RP1: variants seen among roughly 807,000 people sequenced by gnomAD.
RP1 encodes RP1 axonemal microtubule associated, also known as oxygen-regulated protein 1.
A neutral mutation model predicts 14.8 loss-of-function variants in RP1; 16 were observed. The observed-to-expected ratio is 1.08, with a 90% CI of 0.73 to 1.65. The LOEUF (loss-of-function observed/expected upper bound fraction) is 1.65. Among genes scored for constraint, RP1 ranks in the 40% most tolerant of loss-of-function variants. The pLI is 0.00. For synonymous variants in RP1, 876 were observed against 883.6 expected, an observed-to-expected ratio of 0.99 and a Z score of 0.15; for missense variants, 2,631 against 2,535.0, an observed-to-expected ratio of 1.04 and a Z score of -0.81.
intron 3 of RP1, among the ~76,000 whole-genome samples, chr8:54,642,558 T>C (rs1302162874): frequency 6.6e-6 from 1 of 152,162 alleles, no homozygotes; most frequent in Non-Finnish European, 1.5e-5. Context: ...CACATTTTGC[T>C]TTATTCTTTT....
chr8:54,621,695 CTGTG>C, intron 2 of RP1, 114 bp downstream of exon 2: 1 of 1,474,814 alleles, frequency 6.8e-7, no homozygotes, highest in Non-Finnish European at 9.4e-7. Flanking sequence ...TCCTCCCTGC[CTGTG>C]TATGTGAGTG....
In RP1 at chr8:54,726,217, G is replaced by A; in HGVS notation, c.2390-128G>A. 8.5e-6 allele frequency: 9 copies of A among 1,061,048 alleles called. No individual in the cohort carries two copies. In the South Asian group the frequency reaches 1.4e-4, roughly 17 times the overall value. 65.7% of individuals were successfully genotyped at this position (1,061,048 alleles called of 1,614,324 possible). A position where few individuals can be genotyped will look rare whatever the true frequency, so the allele number is the denominator to read the frequency against. ...TTAACTATGTAATTCTGAGTAAAGA[G>A]ATTTGACTAGGCATTGAAATGGAAA... On this transcript the variant is annotated intron_variant, in intron 16 of 22. Transcript: ENST00000636932.
intron 1 of RP1, among the ~76,000 whole-genome samples, chr8:54,596,533 T>C (rs2129302810): frequency 6.6e-6 from 1 of 152,326 alleles, no homozygotes; most frequent in South Asian, 2.1e-4. Context: ...CCTAGATGTC[T>C]ATGACCTCAA....
Position 54,622,236 on chromosome 8 carries a change from G to T in RP1, c.735G>T (p.Gly245=). 1 of 1,614,094 alleles carries T rather than the reference G, an allele frequency of 6.2e-7. No individual in the cohort carries two copies. The highest frequency in any genetic ancestry group is 1.1e-5 in the South Asian group (1 of 91,078). Residue 245 remains glycine (G), a synonymous_variant, in exon 3 of 4, where the codon GGG becomes GGT. Coordinates refer to ENST00000220676, the MANE Select transcript of RP1 (RefSeq NM_006269.2). ...QKYLLPARLP[G]ISQRVYPKGN... The stretch of plus-strand genomic sequence containing the variant: ...ACTTGCTTCCTGCTAGATTACCAGG[G>T]ATCTCTCAGCGTGTGTACCCCAAGG...
intron 12 of RP1, among the ~76,000 whole-genome samples, chr8:54,692,830 C>T (rs1291390399): frequency 6.6e-6 from 1 of 151,924 alleles, no homozygotes; most frequent in African/African-American, 2.4e-5. Flanking sequence ...AATTAGATCC[C>T]ATTTGCCAAT....
chr8:54,654,912 G>A (rs1424231933), intron 5 of RP1, among the ~76,000 whole-genome samples: 1 of 152,208 alleles, frequency 6.6e-6, no homozygotes, highest in Non-Finnish European at 1.5e-5. Context: ...CCCACAAAGT[G>A]CTGGGATTAC....
At chr8:54,740,187 T>G (rs1809037462) in intron 19 of RP1, among the ~76,000 whole-genome samples, 4 of 150,250 alleles carry the variant, frequency 2.7e-5, no homozygotes, top group Admixed American at 2.7e-4. Flanking sequence ...AAAAGTTAAC[T>G]GTAAAACAGC....
intron 1 of RP1, among the ~76,000 whole-genome samples, chr8:54,568,075 T>C (rs1563314267): frequency 6.6e-6 from 1 of 152,216 alleles, no homozygotes; most frequent in Non-Finnish European, 1.5e-5. Context: ...ATTCCCATGG[T>C]CACCTTATGG....
intron 3 of RP1, among the ~76,000 whole-genome samples, chr8:54,641,348 A>G (rs1806451723): frequency 6.6e-6 from 1 of 152,126 alleles, no homozygotes; most frequent in Non-Finnish European, 1.5e-5. Flanking sequence ...ATGAATTGCA[A>G]TCACTCAGGC....
upstream of RP1, among the ~76,000 whole-genome samples, chr8:54,611,861 T>TTCCCTCCC (rs545025613): frequency 1.9e-4 from 28 of 150,868 alleles, no homozygotes; most frequent in East Asian, 3.1e-3. Flanking sequence ...GTTGTTTTCT[T>TTCCCTCCC]TCCCTCCCTC....
chr8:54,863,393 G>T (rs191876066), intron 27 of RP1, among the ~76,000 whole-genome samples: 80 of 152,254 alleles, frequency 5.3e-4, no homozygotes, highest in African/African-American at 1.9e-3. Flanking sequence ...CACAATGTTT[G>T]CATGATAATG....
In RP1 at chr8:54,625,035, T is replaced by C; in HGVS notation, c.1153T>C (p.Cys385Arg). The C allele has an allele frequency of 6.2e-7, 1 of 1,614,242 alleles. No homozygotes were observed. The highest frequency in any genetic ancestry group is 8.5e-7 in the Non-Finnish European group (1 of 1,180,040). ...ATCATCTGGTTTAAAGCTTGCAGCA[T>C]GTTCATTCTCTGCAGATGTGTCACC... ...SRSSGLKLAA[C>R]SFSADVSPME... The change falls in exon 4 of 4, where the codon TGT (cysteine) becomes CGT (arginine). Residue 385 changes from cysteine (C) to arginine (R), a missense_variant. By Grantham distance (180) the Cys-to-Arg change is radical (BLOSUM62 -3). Transcript: ENST00000220676.
At chr8:54,778,055 G>C (rs766074126) in intron 23 of RP1, among the ~76,000 whole-genome samples, 2 of 151,976 alleles carry the variant, frequency 1.3e-5, no homozygotes, top group Non-Finnish European at 2.9e-5. Context: ...ACATTTTAAC[G>C]GATCCCAAAA....
chr8:54,607,335 C>A lies in RP1; in HGVS notation c.-12-13620C>A, dbSNP rs113966023. On this transcript the variant is annotated intron_variant, in intron 1 of 22. Transcript: ENST00000636932. The stretch of plus-strand genomic sequence containing the variant: ...TCCAGACCCTGTTTGCCTGGGTATC[C>A]GCAGCAGAGGCTACAGAACAGTGGA... 1.7e-4 allele frequency among the ~76,000 whole-genome samples: 26 copies of A among 152,246 alleles called. No homozygotes were observed. In the East Asian group the frequency reaches 3.9e-3, roughly 23 times the overall value.
rs1364913814 is a variant in RP1, at chr8:54,621,337, C to G, written c.371C>G (p.Pro124Arg). The change falls in exon 2 of 4, where the codon CCG (proline) becomes CGG (arginine). Residue 124 changes from proline (P) to arginine (R), a missense_variant. Pro to Arg is a moderately radical substitution (Grantham distance 103, BLOSUM62 -2). Coordinates refer to ENST00000220676, the MANE Select transcript of RP1 (RefSeq NM_006269.2). ...GACCTGGACAAAGCCCGTCGGCGCC[C>G]GCGGCCCTGGCTCAGCAGCCGGGCC... ...PVDLDKARRR[P>R]RPWLSSRAIS... 6.2e-7 allele frequency: 1 copy of G among 1,611,658 alleles called. No homozygotes were observed. The highest frequency in any genetic ancestry group is 8.5e-7 in the Non-Finnish European group (1 of 1,178,944).
chr8:54,782,956 A>G (rs1040859484), intron 23 of RP1, among the ~76,000 whole-genome samples: 3 of 152,052 alleles, frequency 2.0e-5, no homozygotes, highest in East Asian at 3.9e-4. Flanking sequence ...CCCAAGCCCA[A>G]TTCCTTTTGC....
chr8:54,830,398 A>G (rs1438897772), intron 24 of RP1, among the ~76,000 whole-genome samples: 2 of 151,996 alleles, frequency 1.3e-5, no homozygotes, highest in East Asian at 3.9e-4. Context: ...CGTCATTTAC[A>G]TTAGGTATAT....
At chr8:54,856,420 C>T (rs1023231002) in intron 26 of RP1, among the ~76,000 whole-genome samples, 31 of 152,046 alleles carry the variant, frequency 2.0e-4, no homozygotes, top group African/African-American at 5.6e-4. Flanking sequence ...TATTTTAAAA[C>T]GTCCTATGCG....
chr8:54,632,640 T>C (rs1229795656), downstream of RP1, among the ~76,000 whole-genome samples: 1 of 152,228 alleles, frequency 6.6e-6, no homozygotes, highest in Non-Finnish European at 1.5e-5. Context: ...GCAAATATGC[T>C]GAAGGATAGA....
Sources: gnomAD v4.1 joint callset for allele counts (sites outside exome capture counted in the v4.1 genomes callset) on GRCh38, gnomAD v4.1.1 for gene constraint, MANE v1.5 for transcripts, NCBI Gene and HGNC (gene_info 2026-07-23, HGNC 2026-07-21) for gene names.